Variants in CRYBG1 observed in about 807,000 individuals in gnomAD.
CRYBG1 encodes the protein crystallin beta-gamma domain containing 1.
In CRYBG1, 139 loss-of-function variants were observed where a neutral mutation model predicts 189.2. That is an observed-to-expected ratio of 0.73 (90% CI 0.64 to 0.85). CRYBG1 has a LOEUF of 0.85. CRYBG1 is among the 40% of genes least tolerant of loss of function. The probability of loss-of-function intolerance (pLI) is 0.00; values close to 1 mark genes in which losing one functional copy is unlikely to be tolerated. For missense variants in CRYBG1, 2,611 were observed against 2,675.8 expected, an observed-to-expected ratio of 0.98 and a Z score of 0.53; for synonymous variants, 1,023 against 1,017.1, an observed-to-expected ratio of 1.01 and a Z score of -0.11.
chr6:106,477,492 T>G (rs1772356124), intron 2 of CRYBG1, among the ~76,000 whole-genome samples: 1 of 152,194 alleles, frequency 6.6e-6, no homozygotes, highest in Non-Finnish European at 1.5e-5. Context: ...TTAAGTATAG[T>G]TTTATTCAGT....
chr6:106,502,505 A>G (rs113653884), intron 2 of CRYBG1, among the ~76,000 whole-genome samples: 1,964 of 152,338 alleles, frequency 0.013, 33 homozygotes, highest in African/African-American at 0.044. Context: ...ATAAATTTCA[A>G]ACTACTCTAT....
chr6:106,410,250 C>G (rs1197944967), intron 1 of CRYBG1, among the ~76,000 whole-genome samples: 2 of 152,098 alleles, frequency 1.3e-5, no homozygotes, highest in Admixed American at 6.5e-5. Flanking sequence ...ATTTATGTGG[C>G]CAACAAACAT....
At chr6:106,539,703 TAAAAA>T (rs11366105) in intron 9 of CRYBG1, among the ~76,000 whole-genome samples, 174 bp downstream of exon 9, 14 of 143,212 alleles carry the variant, frequency 9.8e-5, no homozygotes, top group Non-Finnish European at 9.1e-5. Flanking sequence ...TGCTATAGAT[TAAAAA>T]AAAAAAAAAA....
chr6:106,481,663 G>T (rs1027327456), intron 2 of CRYBG1, among the ~76,000 whole-genome samples: 1 of 152,142 alleles, frequency 6.6e-6, no homozygotes, highest in Admixed American at 6.5e-5. Context: ...CCTGTTGGGG[G>T]TCAAACAAAG....
intron 2 of CRYBG1, among the ~76,000 whole-genome samples, chr6:106,493,343 A>G (rs1440038856): frequency 1.3e-5 from 2 of 152,232 alleles, no homozygotes; most frequent in African/African-American, 2.4e-5. Context: ...TCAAAAAATA[A>G]TAAGTTGGTG....
At chr6:106,482,509 C>A (rs571706467) in intron 2 of CRYBG1, among the ~76,000 whole-genome samples, 18 of 152,264 alleles carry the variant, frequency 1.2e-4, no homozygotes, top group African/African-American at 3.6e-4. Flanking sequence ...GGCATGGTGG[C>A]TCACGCCTAT....
intron 1 of CRYBG1, among the ~76,000 whole-genome samples, chr6:106,444,702 T>C (rs1771631568): frequency 1.3e-5 from 2 of 152,208 alleles, no homozygotes; most frequent in Non-Finnish European, 2.9e-5. Flanking sequence ...AAAGCCTCGA[T>C]TTCACAAGAT....
intron 2 of CRYBG1, among the ~76,000 whole-genome samples, chr6:106,492,090 C>T (rs569090621): frequency 6.6e-6 from 1 of 152,290 alleles, no homozygotes; most frequent in South Asian, 2.1e-4. Context: ...CTTCTGACTG[C>T]ACACCCTCAC....
chr6:106,540,730 C>A (rs1774109589), intron 9 of CRYBG1, among the ~76,000 whole-genome samples: 1 of 151,078 alleles, frequency 6.6e-6, no homozygotes, highest in African/African-American at 2.4e-5. Flanking sequence ...GTTAAGGAAA[C>A]CAACACATTC....
At chr6:106,399,412 C>T (rs1268986527) in intron 1 of CRYBG1, among the ~76,000 whole-genome samples, 1 of 152,168 alleles carries the variant, frequency 6.6e-6, no homozygotes, top group East Asian at 1.9e-4. Context: ...TTATTTGATG[C>T]CCTTGTTATA....
intron 1 of CRYBG1, among the ~76,000 whole-genome samples, chr6:106,376,816 T>C (rs1770172978): frequency 6.6e-6 from 1 of 152,178 alleles, no homozygotes; most frequent in South Asian, 2.1e-4. Flanking sequence ...TGAATCCAAG[T>C]GGTACGCTCT....
intron 2 of CRYBG1, among the ~76,000 whole-genome samples, chr6:106,462,451 GC>G (rs1772034286): frequency 6.6e-6 from 1 of 152,162 alleles, no homozygotes; most frequent in Non-Finnish European, 1.5e-5. Flanking sequence ...GAGCCACCGC[GC>G]CCGGCCTTTT....
chr6:106,372,677 CT>C (rs1205994441), intron 1 of CRYBG1, among the ~76,000 whole-genome samples: 1 of 152,196 alleles, frequency 6.6e-6, no homozygotes, highest in Non-Finnish European at 1.5e-5. Context: ...GGAAAGGATT[CT>C]TTTTGGCCAG....
In CRYBG1 at chr6:106,519,569, A is replaced by G. The variant is rs776176644; in HGVS notation, c.2361A>G (p.Ala787=). ...LGPQPNQDDK[A]DVQTDAGCLS... Reference sequence around the variant, plus strand: ...CTCAGCCTAACCAAGATGATAAAGCAGATGTACAAACAGATGCTGGCTGCC... The same window carrying G: ...CTCAGCCTAACCAAGATGATAAAGCGGATGTACAAACAGATGCTGGCTGCC... The change falls in exon 4 of 22, where the codon GCA becomes GCG. Residue 787 remains alanine (A), a synonymous_variant. Transcript: ENST00000633556. The G allele has an allele frequency of 1.2e-6, 2 of 1,614,234 alleles. No homozygotes were observed. The highest frequency in any genetic ancestry group is 1.3e-5 in the African/African-American group (1 of 75,066).
intron 2 of CRYBG1, among the ~76,000 whole-genome samples, chr6:106,470,880 G>T (rs1772219863): frequency 6.6e-6 from 1 of 152,108 alleles, no homozygotes; most frequent in Admixed American, 6.5e-5. Flanking sequence ...AAAATCAAGG[G>T]TGTTGGTGCC....
intron 1 of CRYBG1, among the ~76,000 whole-genome samples, chr6:106,379,414 A>G (rs1041342927): frequency 6.6e-5 from 10 of 151,742 alleles, no homozygotes; most frequent in South Asian, 2.1e-4. Flanking sequence ...GGCACCTGCC[A>G]CCATGCCTGG....
intron 2 of CRYBG1, 70 bp downstream of exon 2, chr6:106,451,902 G>T: frequency 3.7e-6 from 5 of 1,361,008 alleles, no homozygotes; most frequent in Non-Finnish European, 4.9e-6. Flanking sequence ...CTGTAAGATA[G>T]CCTGTCTAAG....
chr6:106,551,717 A>C, intron 13 of CRYBG1, 135 bp from the exon 14 acceptor site: 1 of 952,654 alleles, frequency 1.0e-6, no homozygotes, highest in South Asian at 1.4e-5. Context: ...CTAAAGGTTA[A>C]TGGAGAATCA....
chr6:106,383,267 G>A (rs1224859203), intron 1 of CRYBG1, among the ~76,000 whole-genome samples: 1 of 152,150 alleles, frequency 6.6e-6, no homozygotes, highest in African/African-American at 2.4e-5. Flanking sequence ...CAGATCTGAG[G>A]TCTGCATCTT....
Sources: gnomAD v4.1 joint callset for allele counts (sites outside exome capture counted in the v4.1 genomes callset) on GRCh38, gnomAD v4.1.1 for gene constraint, MANE v1.5 for transcripts, NCBI Gene and HGNC (gene_info 2026-07-23, HGNC 2026-07-21) for gene names.